ELOVL5: variants seen among roughly 807,000 people sequenced by gnomAD.
The protein encoded by ELOVL5 is ELOVL fatty acid elongase 5.
In ELOVL5, 8 loss-of-function variants were observed where a neutral mutation model predicts 38.6. That is an observed-to-expected ratio of 0.21 (90% confidence interval 0.12 to 0.37). The LOEUF (loss-of-function observed/expected upper bound fraction) is 0.37. Among genes scored for constraint, ELOVL5 ranks in the 10% least tolerant of loss-of-function variants. The pLI, the probability that ELOVL5 is intolerant of heterozygous loss-of-function variation, is 1.00. For missense variants in ELOVL5, 280 were observed against 367.8 expected, an observed-to-expected ratio of 0.76 and a Z score of 1.95; for synonymous variants, 127 against 133.7, an observed-to-expected ratio of 0.95 and a Z score of 0.34.
chr6:53,310,376 G>C (rs1408378309), intron 1 of ELOVL5, among the ~76,000 whole-genome samples: 1 of 152,158 alleles, frequency 6.6e-6, no homozygotes, highest in African/African-American at 2.4e-5. Context: ...GAGATCTTAA[G>C]TAGTTAACTC....
chr6:53,295,574 A>C, intron 2 of ELOVL5, 68 bp downstream of exon 2: 1 of 1,006,036 alleles, frequency 9.9e-7, no homozygotes, highest in Non-Finnish European at 1.5e-6. Flanking sequence ...TCCTCATGCA[A>C]TATTTACAAG....
At chr6:53,333,861 C>G (rs1768915165) in intron 1 of ELOVL5, among the ~76,000 whole-genome samples, 1 of 149,172 alleles carries the variant, frequency 6.7e-6, no homozygotes, top group East Asian at 2.0e-4. Context: ...AAGTCTTTTT[C>G]ACCTGTAAGC....
At chr6:53,288,040 C>T (rs1446536881) in intron 3 of ELOVL5, 2 of 1,042,158 alleles carry the variant, frequency 1.9e-6, no homozygotes, top group Non-Finnish European at 2.9e-6. Flanking sequence ...CACATGAGGA[C>T]AGAGCATCTG....
intron 1 of ELOVL5, among the ~76,000 whole-genome samples, chr6:53,333,688 CTT>C (rs971042671): frequency 2.0e-5 from 3 of 152,100 alleles, no homozygotes; most frequent in African/African-American, 7.2e-5. Flanking sequence ...AATGGGCTCT[CTT>C]GTTTTAACCT....
chr6:53,305,049 G>A (rs1488035365), intron 1 of ELOVL5, among the ~76,000 whole-genome samples: 10 of 144,084 alleles, frequency 6.9e-5, no homozygotes, highest in Middle Eastern at 3.8e-3. Context: ...CTGGCCGGGC[G>A]GGGGGCTGAC....
chr6:53,310,083 C>T (rs569705910), intron 1 of ELOVL5, among the ~76,000 whole-genome samples: 4 of 152,340 alleles, frequency 2.6e-5, no homozygotes, highest in Admixed American at 2.0e-4. Context: ...TCTACTTCCC[C>T]TTGCTAGCCT....
rs1561878403 is a variant in ELOVL5, at chr6:53,306,228, AGAGGGGAGAGGGAG to A, written c.-8-10535_-8-10522del. Among the ~76,000 whole-genome samples the A allele has an allele frequency of 2.7e-3, 60 of 22,584 alleles. 2 individuals are homozygous for A. The highest frequency in any genetic ancestry group is 5.9e-3 in the Admixed American group (19 of 3,244). The allele number at this position is 22,584 out of a possible 152,430, so 14.8% of individuals were successfully genotyped here. ...GGAGAAAGGGGAGAGGGGAGAGGGG[AGAGGGGAGAGGGAG>A]AGGGGAGAGGGGAGAGGGAGAGGGG... On this transcript the variant is annotated intron_variant, in intron 1 of 7. Coordinates refer to ENST00000304434, the MANE Select transcript of ELOVL5 (RefSeq NM_021814.5).
At chr6:53,318,758 T>TAAAAC (rs1768156529) in intron 1 of ELOVL5, among the ~76,000 whole-genome samples, 2 of 151,692 alleles carry the variant, frequency 1.3e-5, no homozygotes, top group African/African-American at 4.8e-5. Flanking sequence ...AAAAATAAAA[T>TAAAAC]AAAACAAAAA....
At chr6:53,271,567 CA>C (rs1471236525) in intron 6 of ELOVL5, among the ~76,000 whole-genome samples, 4 of 151,158 alleles carry the variant, frequency 2.6e-5, no homozygotes, top group East Asian at 2.0e-4. Flanking sequence ...CCCCTCCCCC[CA>C]AAAAAAGGGC....
At chr6:53,304,621 G>T (rs1767405386) in intron 1 of ELOVL5, among the ~76,000 whole-genome samples, 1 of 152,098 alleles carries the variant, frequency 6.6e-6, no homozygotes, top group Non-Finnish European at 1.5e-5. Flanking sequence ...GGGGAGTGGT[G>T]ATGACTCTCA....
intron 6 of ELOVL5, 80 bp downstream of exon 6, chr6:53,273,140 C>T: frequency 2.7e-6 from 4 of 1,465,314 alleles, no homozygotes; most frequent in Non-Finnish European, 3.8e-6. Flanking sequence ...ATCTTAGATG[C>T]TATTACATAA....
At chr6:53,334,390 A>G (rs1274892758) in intron 1 of ELOVL5, among the ~76,000 whole-genome samples, 4 of 152,196 alleles carry the variant, frequency 2.6e-5, no homozygotes. Context: ...GGAGGGCCAT[A>G]TAACTTTTAT....
At chr6:53,333,345 C>A (rs1483152492) in intron 1 of ELOVL5, among the ~76,000 whole-genome samples, 5 of 152,172 alleles carry the variant, frequency 3.3e-5, no homozygotes, top group Non-Finnish European at 7.3e-5. Context: ...GAAAACATTA[C>A]AGAGAAATGC....
chr6:53,269,091 AGAT>A lies in ELOVL5; in HGVS notation c.*33_*35del. On this transcript the variant is annotated 3_prime_UTR_variant, in exon 8 of 8. Coordinates refer to ENST00000304434, the MANE Select transcript of ELOVL5 (RefSeq NM_021814.5). ...CACAACTCATATTGTGCTTACAATC[AGAT>A]GACGTGGTTTGGAGGGTTTCAATTC... 4.4e-6 allele frequency: 7 copies of A among 1,607,526 alleles called. No homozygotes were observed. Among genetic ancestry groups the A allele is most frequent in the Non-Finnish European group, 5.9e-6 (7 of 1,176,878 alleles).
intron 1 of ELOVL5, among the ~76,000 whole-genome samples, chr6:53,342,855 G>T (rs1769386054): frequency 1.3e-5 from 2 of 152,214 alleles, no homozygotes; most frequent in African/African-American, 4.8e-5. Flanking sequence ...ACTGGCAGAA[G>T]AGGATGGAGG....
intron 1 of ELOVL5, among the ~76,000 whole-genome samples, chr6:53,326,611 G>A (rs1768552036): frequency 6.6e-6 from 1 of 151,992 alleles, no homozygotes; most frequent in African/African-American, 2.4e-5. Flanking sequence ...GATTCCTCCC[G>A]CAGAGCCCCA....
chr6:53,346,418 T>C (rs1769543905), intron 1 of ELOVL5, among the ~76,000 whole-genome samples: 1 of 152,148 alleles, frequency 6.6e-6, no homozygotes, highest in East Asian at 1.9e-4. Flanking sequence ...AAAAAACAAC[T>C]GGGGGATAAA....
intron 1 of ELOVL5, among the ~76,000 whole-genome samples, chr6:53,308,903 A>G (rs1581962601): frequency 7.2e-6 from 1 of 138,058 alleles, no homozygotes; most frequent in Non-Finnish European, 1.6e-5. Context: ...GGGGGCGGGG[A>G]GGCAATCATA....
At chr6:53,343,222 A>C (rs376012143) in intron 1 of ELOVL5, among the ~76,000 whole-genome samples, 3,178 of 65,848 alleles carry the variant, frequency 0.048, 132 homozygotes, top group African/African-American at 0.23. Context: ...TTCTTTCTTT[A>C]TTTATTTTGG....
Sources: gnomAD v4.1 joint callset for allele counts (sites outside exome capture counted in the v4.1 genomes callset) on GRCh38, gnomAD v4.1.1 for gene constraint, MANE v1.5 for transcripts, NCBI Gene and HGNC (gene_info 2026-07-23, HGNC 2026-07-21) for gene names.